MIER3: variants seen among roughly 807,000 people sequenced by gnomAD.
MIER3 encodes mesoderm induction early response protein 3.
A neutral mutation model predicts 63.2 loss-of-function variants in MIER3; 9 were observed. The observed-to-expected ratio is 0.14, with a 90% CI of 0.09 to 0.25. The LOEUF is 0.25. Ranked by LOEUF, MIER3 falls within the 10% of genes least tolerant of loss-of-function variation. MIER3 has a pLI of 1.00. For missense variants in MIER3, 512 were observed against 666.2 expected, an observed-to-expected ratio of 0.77 and a Z score of 2.55; for synonymous variants, 205 against 224.9, an observed-to-expected ratio of 0.91 and a Z score of 0.79.
chr5:56,935,317 C>A (rs1312081822), intron 7 of MIER3, 111 bp downstream of exon 7: 11 of 813,108 alleles, frequency 1.4e-5, no homozygotes, highest in Non-Finnish European at 1.9e-5. Flanking sequence ...TGCATGTTTC[C>A]CAAATCTATC....
chr5:56,938,569 C>T (rs909345811), intron 4 of MIER3, among the ~76,000 whole-genome samples: 2 of 152,144 alleles, frequency 1.3e-5, no homozygotes, highest in African/African-American at 2.4e-5. Context: ...ATTTATTAAT[C>T]AAGGCTTTTA....
rs752341596 is a variant in MIER3 at position 56,937,678 on chromosome 5, C to T, written c.336G>A (p.Leu112=). 1.9e-6 allele frequency: 3 copies of T among 1,609,094 alleles called. No individual in the cohort carries two copies. Among genetic ancestry groups the T allele is most frequent in the East Asian group, 4.5e-5 (2 of 44,610 alleles). ...TLDKEEIAKD[L]LSGDDEETQS... ...GAGTTTCCTCGTCATCACCTGACAA[C>T]AGGTCTTTTGCTATTTCCTCCTGGA... is the stretch of plus-strand genomic sequence containing the variant. Residue 112 remains leucine (L), a synonymous_variant, in exon 5 of 13, where the codon CTG becomes CTA. Transcript: ENST00000381199.
At chr5:56,937,844 A>G (rs1168652304) in intron 4 of MIER3, 146 bp from the exon 5 acceptor site, 1 of 350,546 alleles carries the variant, frequency 2.9e-6, no homozygotes, top group Non-Finnish European at 4.7e-6. Flanking sequence ...CTTCATGTAC[A>G]TAAATATTTA....
chr5:56,923,153 T>C lies in MIER3; in HGVS notation c.1628A>G (p.Gln543Arg). 8 of 1,614,020 alleles carry C rather than the reference T, an allele frequency of 5.0e-6. No individual in the cohort carries two copies. The highest frequency in any genetic ancestry group is 6.8e-6 in the Non-Finnish European group (8 of 1,179,964). Reference protein sequence around the residue: ...NGFISAHALHQHAALHSE With the variant: ...NGFISAHALHRHAALHSE The stretch of plus-strand genomic sequence containing the variant: ...TCACTCAGAGTGTAGGGCCGCGTGC[T>C]GATGCAGAGCATGGGCACTGATGAA... Residue 543 changes from glutamine (Q) to arginine (R), a missense_variant, in exon 13 of 13, where the codon CAG becomes CGG. Gln to Arg is a conservative substitution (Grantham distance 43). This residue lies in a region of MIER3 where 218 missense variants were observed against 251.2 expected (regional missense o/e 0.87). Transcript: ENST00000381199.
chr5:56,950,494 G>A, intron 2 of MIER3, 134 bp downstream of exon 2: 1 of 898,676 alleles, frequency 1.1e-6, no homozygotes, highest in Non-Finnish European at 1.7e-6. Context: ...TTTACTAAAT[G>A]CACACTGAAA....
intron 2 of MIER3, among the ~76,000 whole-genome samples, chr5:56,949,676 G>T (rs1027387173): frequency 6.6e-6 from 1 of 152,186 alleles, no homozygotes; most frequent in East Asian, 1.9e-4. Context: ...ATAGTGTAAG[G>T]AAACTGACTA....
Position 56,923,036 on chromosome 5 carries a change from G to A in MIER3, c.*92C>T. 1 of 990,996 alleles carries A rather than the reference G, an allele frequency of 1.0e-6. No homozygotes were observed. Among genetic ancestry groups the A allele is most frequent in the South Asian group, 1.6e-5 (1 of 64,312 alleles). The allele number at this position is 990,996 out of a possible 1,614,324, so 61.4% of individuals were successfully genotyped here. A position where few individuals can be genotyped will look rare whatever the true frequency, so the allele number is the denominator to read the frequency against. The stretch of plus-strand genomic sequence containing the variant: ...ACATCACTGATGTCATAGTGAGAAA[G>A]GTTCAAACTTCCAGTGAAAGACTAT... On this transcript the variant is annotated 3_prime_UTR_variant, in exon 13 of 13. Transcript: ENST00000381199.
At chr5:56,938,716 A>G (rs1208497398) in intron 4 of MIER3, 167 bp downstream of exon 4, 1 of 734,906 alleles carries the variant, frequency 1.4e-6, no homozygotes. Flanking sequence ...TACTACTCTT[A>G]ACATAGGGTG....
intron 2 of MIER3, among the ~76,000 whole-genome samples, chr5:56,948,195 AACC>A (rs1278783558): frequency 6.6e-6 from 1 of 152,198 alleles, no homozygotes; most frequent in African/African-American, 2.4e-5. Flanking sequence ...ACTATGGAAA[AACC>A]ACACACATAA....
chr5:56,928,969 TCA>T (rs997292990), intron 9 of MIER3, 108 bp from the exon 10 acceptor site: 44 of 554,276 alleles, frequency 7.9e-5, no homozygotes, highest in African/African-American at 1.7e-4. Context: ...TCTCTCTCTC[TCA>T]CACACACACA....
rs543990409 is a variant in MIER3 at position 56,922,466 on chromosome 5, GCA to G, written c.*660_*661del. The G allele has an allele frequency of 1.3e-5, 2 of 152,678 alleles. No individual in the cohort carries two copies. The highest frequency in any genetic ancestry group is 2.9e-5 in the Non-Finnish European group (2 of 68,094). 9.5% of individuals were successfully genotyped at this position (152,678 alleles called of 1,614,324 possible). A position where few individuals can be genotyped will look rare whatever the true frequency, so the allele number is the denominator to read the frequency against. On this transcript the variant is annotated 3_prime_UTR_variant, in exon 13 of 13. Coordinates refer to ENST00000381199, the MANE Select transcript of MIER3 (RefSeq NM_001297599.2). ...ATCCAAGCAAGCGTCTTCATTATTT[GCA>G]CACAGTTCCTTGTGCTGGCTTCCAT...
At position 56,922,292 on chromosome 5, in the gene MIER3, A is replaced by G. The variant is rs1287016482; in HGVS notation, c.*836T>C. The G allele has an allele frequency of 6.6e-6, 1 of 152,476 alleles. No homozygotes were observed. The highest frequency in any genetic ancestry group is 1.5e-5 in the Non-Finnish European group (1 of 68,042). The allele number at this position is 152,476 out of a possible 1,614,324, so 9.4% of individuals were successfully genotyped here. ...GACTGGTATGATTTTTAAGATTACAATCTTGACAATGGTGGACAAAACCCC... is the reference window on the plus strand; with the variant it reads ...GACTGGTATGATTTTTAAGATTACAGTCTTGACAATGGTGGACAAAACCCC... On this transcript the variant is annotated 3_prime_UTR_variant, in exon 13 of 13. Coordinates refer to ENST00000381199, the MANE Select transcript of MIER3 (RefSeq NM_001297599.2).
At chr5:56,945,436 C>T (rs1031570923) in intron 3 of MIER3, among the ~76,000 whole-genome samples, 1 of 152,026 alleles carries the variant, frequency 6.6e-6, no homozygotes, top group Non-Finnish European at 1.5e-5. Context: ...GCACTCCAGC[C>T]TGCGCAATGG....
chr5:56,936,212 A>G (rs1207072790), intron 5 of MIER3, among the ~76,000 whole-genome samples: 2 of 135,336 alleles, frequency 1.5e-5, no homozygotes, highest in African/African-American at 5.7e-5. Flanking sequence ...GTGAGACTCC[A>G]TCTCAAAAAA....
intron 1 of MIER3, among the ~76,000 whole-genome samples, chr5:56,951,699 A>G (rs951387082): frequency 7.5e-4 from 113 of 151,432 alleles, no homozygotes; most frequent in African/African-American, 2.6e-3. Context: ...CCGGCCGCGG[A>G]GGGGGGGCTC....
chr5:56,941,940 T>G (rs1579858559), intron 3 of MIER3, among the ~76,000 whole-genome samples: 2 of 152,198 alleles, frequency 1.3e-5, no homozygotes, highest in Admixed American at 1.3e-4. Flanking sequence ...ACTCCCCAGT[T>G]TTCTATTTGA....
chr5:56,936,561 A>G (rs1750453839), intron 5 of MIER3, among the ~76,000 whole-genome samples: 1 of 152,134 alleles, frequency 6.6e-6, no homozygotes, highest in Non-Finnish European at 1.5e-5. Flanking sequence ...CCCAGGCTGG[A>G]GAGCAGTAGC....
intron 1 of MIER3, 124 bp from the exon 2 acceptor site, chr5:56,950,776 T>C (rs960931253): frequency 4.6e-6 from 5 of 1,092,776 alleles, no homozygotes; most frequent in Admixed American, 4.3e-5. Context: ...GTGCAAGACG[T>C]AGCTTCACTC....
intron 10 of MIER3, among the ~76,000 whole-genome samples, chr5:56,926,191 G>C (rs961304203): frequency 6.6e-6 from 1 of 152,004 alleles, no homozygotes; most frequent in African/African-American, 2.4e-5. Flanking sequence ...GTTTGGCAAT[G>C]ATTTTTTTAA....
Sources: allele counts gnomAD v4.1 joint callset (sites outside exome capture counted in the v4.1 genomes callset), GRCh38; gene constraint gnomAD v4.1.1; regional missense constraint gnomAD v4.1.1; transcripts MANE v1.5; gene names NCBI Gene and HGNC (gene_info 2026-07-23, HGNC 2026-07-21).